Variants in CFAP54 observed in about 807,000 individuals in gnomAD.
The protein encoded by CFAP54 is cilia- and flagella-associated protein 54.
Under a neutral mutation model 370.4 loss-of-function variants are expected in CFAP54, and 290 were observed. That is an observed-to-expected ratio of 0.78 (90% CI 0.71 to 0.86). CFAP54 has a LOEUF of 0.86. Among genes scored for constraint, CFAP54 ranks in the 40% least tolerant of loss-of-function variants. CFAP54 has a pLI of 0.00. For synonymous variants in CFAP54, 1,206 were observed against 1,236.5 expected (o/e 0.98, Z 0.52); for missense variants, 3,399 against 3,528.7 (o/e 0.96, Z 0.93).
intron 14 of CFAP54, among the ~76,000 whole-genome samples, chr12:96,547,653 A>C (rs1344436466): frequency 6.6e-6 from 1 of 152,196 alleles, no homozygotes; most frequent in Non-Finnish European, 1.5e-5. Context: ...TCTAGTGTTG[A>C]ATCATTTCTG....
At chr12:96,582,489 A>T (rs1259820936) in intron 22 of CFAP54, among the ~76,000 whole-genome samples, 2 of 152,172 alleles carry the variant, frequency 1.3e-5, no homozygotes, top group African/African-American at 4.8e-5. Flanking sequence ...TTCAAAGAAA[A>T]TTAAATTGAG....
chr12:96,846,774 G>A (rs1959366515), intron 66 of CFAP54, among the ~76,000 whole-genome samples: 1 of 152,160 alleles, frequency 6.6e-6, no homozygotes, highest in Non-Finnish European at 1.5e-5. Context: ...TGGGTGCCAA[G>A]GAGGGAAAGG....
chr12:96,713,409 A>G (rs1288410652), intron 48 of CFAP54, among the ~76,000 whole-genome samples: 1 of 152,080 alleles, frequency 6.6e-6, no homozygotes, highest in African/African-American at 2.4e-5. Context: ...GGAGGACATT[A>G]TGTTAAGTGA....
At chr12:96,610,978 A>C (rs1401154290) in intron 26 of CFAP54, among the ~76,000 whole-genome samples, 3 of 152,238 alleles carry the variant, frequency 2.0e-5, no homozygotes, top group African/African-American at 7.2e-5. Context: ...ACAGTCGAAC[A>C]AAAGGCAGCA....
chr12:96,825,598 T>C (rs1327582950), intron 65 of CFAP54, among the ~76,000 whole-genome samples: 1 of 120,202 alleles, frequency 8.3e-6, no homozygotes, highest in African/African-American at 3.4e-5. Flanking sequence ...ACATATATTA[T>C]TTACATATTA....
At chr12:96,868,090 C>A (rs953163716) in intron 67 of CFAP54, among the ~76,000 whole-genome samples, 3 of 152,248 alleles carry the variant, frequency 2.0e-5, no homozygotes, top group Non-Finnish European at 4.4e-5. Flanking sequence ...ATTCCGGACT[C>A]AACCCAGACG....
chr12:96,734,167 T>C (rs996358836), intron 50 of CFAP54, among the ~76,000 whole-genome samples: 1 of 152,220 alleles, frequency 6.6e-6, no homozygotes. Context: ...CAGCAAAATC[T>C]TGAGAGTTTA....
At chr12:96,577,151 A>G (rs1955986804) in intron 20 of CFAP54, among the ~76,000 whole-genome samples, 1 of 152,206 alleles carries the variant, frequency 6.6e-6, no homozygotes, top group South Asian at 2.1e-4. Context: ...CAGTGATGGT[A>G]TGAGGCAGCA....
intron 5 of CFAP54, among the ~76,000 whole-genome samples, chr12:96,515,068 C>A (rs969462471): frequency 6.8e-6 from 1 of 147,912 alleles, no homozygotes; most frequent in East Asian, 2.0e-4. Context: ...GGTGCAGTGG[C>A]GCCGTCTTAG....
chr12:96,620,980 G>T (rs1956480646), intron 26 of CFAP54, among the ~76,000 whole-genome samples: 1 of 152,212 alleles, frequency 6.6e-6, no homozygotes, highest in Non-Finnish European at 1.5e-5. Context: ...GTAGGTAAGG[G>T]CCAGAATAGA....
At chr12:96,828,244 A>C (rs1184714592) in intron 65 of CFAP54, among the ~76,000 whole-genome samples, 1 of 151,204 alleles carries the variant, frequency 6.6e-6, no homozygotes, top group Non-Finnish European at 1.5e-5. Context: ...TAGGTTTGGT[A>C]GGGAGGTAGT....
rs1219852054 is a variant in CFAP54 at position 96,522,127 on chromosome 12, A to G, written c.1096A>G (p.Arg366Gly). The change falls in exon 8 of 68, where the codon AGA becomes GGA. Residue 366 changes from arginine (R) to glycine (G), a missense_variant. Around this residue, in one of 3 missense-constraint regions of CFAP54, gnomAD observed 559 missense variants for 576.7 expected, o/e 0.97. Coordinates refer to ENST00000524981, the MANE Select transcript of CFAP54 (RefSeq NM_001306084.2). ...CTTCAAAAGAGGAGTCTTTGAATCT[A>G]GAAGAAAAAACAAAGCTGTCTTTAG... ...MIFKRGVFES[R>G]RKNKAVFRPK... 7 of 1,535,846 alleles carry G rather than the reference A, an allele frequency of 4.6e-6. No homozygotes were observed. In the South Asian group the frequency reaches 6.0e-5, roughly 13 times the overall value.
chr12:96,607,596 A>G (rs1337619518), intron 26 of CFAP54, among the ~76,000 whole-genome samples: 1 of 152,200 alleles, frequency 6.6e-6, no homozygotes, highest in Non-Finnish European at 1.5e-5. Context: ...CTTGAAAACA[A>G]AAGAAGTCTG....
intron 1 of CFAP54, 40 bp downstream of exon 1, chr12:96,489,966 G>A: frequency 3.3e-6 from 5 of 1,494,926 alleles, no homozygotes; most frequent in Non-Finnish European, 4.4e-6. Flanking sequence ...GCCGGCCAGA[G>A]GAGGGACCCC....
rs1228158596 is a variant in CFAP54 at position 96,704,622 on chromosome 12, G to A, written c.6475-121G>A. 2 of 344,680 alleles carry A rather than the reference G, an allele frequency of 5.8e-6. 1 individual carries two copies. Among genetic ancestry groups the A allele is most frequent in the Admixed American group, 1.1e-4 (2 of 18,710 alleles). The allele number at this position is 344,680 out of a possible 1,614,324, so 21.4% of individuals were successfully genotyped here. On this transcript the variant is annotated intron_variant, in intron 46 of 67. Transcript: ENST00000524981. ...ACAATACTTATCTTTTCTGACTAGA[G>A]CATAAATTACTTTTCCAATAAAAAT... is the stretch of plus-strand genomic sequence containing the variant.
In CFAP54 at chr12:96,825,407, TATA is replaced by T. The variant is rs1208229834; in HGVS notation, c.9097-3603_9097-3601del. On this transcript the variant is annotated intron_variant, in intron 65 of 67. Transcript: ENST00000524981. ...ATATATTATGTAACATGTTGTATTA[TATA>T]ATATGTAACATGTTATATTATATAT... 2.8e-4 allele frequency among the ~76,000 whole-genome samples: 34 copies of T among 119,838 alleles called. 1 individual carries two copies. Among genetic ancestry groups the T allele is most frequent in the African/African-American group, 9.3e-4 (28 of 29,954 alleles). The allele number at this position is 119,838 out of a possible 152,430, so 78.6% of individuals were successfully genotyped here. A position where few individuals can be genotyped will look rare whatever the true frequency, so the allele number is the denominator to read the frequency against.
chr12:96,870,753 C>T (rs757518923), intron 67 of CFAP54, among the ~76,000 whole-genome samples: 1 of 151,314 alleles, frequency 6.6e-6, no homozygotes, highest in Admixed American at 6.6e-5. Context: ...TATTGAACTA[C>T]CATTTGCCAA....
intron 15 of CFAP54, among the ~76,000 whole-genome samples, chr12:96,551,482 GGTATGTGTGTGTGTGTGTGTGT>G (rs1308027987): frequency 7.2e-4 from 71 of 98,456 alleles, no homozygotes; most frequent in African/African-American, 2.7e-3. Flanking sequence ...TTCTTGAATG[GGTATGTGTGTGTGTGTGTGTGT>G]GTGTGTGTGT....
At chr12:96,571,271 C>T (rs939456877) in intron 19 of CFAP54, among the ~76,000 whole-genome samples, 12 of 152,134 alleles carry the variant, frequency 7.9e-5, no homozygotes, top group East Asian at 1.9e-4. Flanking sequence ...GGAAACTATA[C>T]GCAGAGAAAT....
Sources: gnomAD v4.1 joint callset for allele counts (sites outside exome capture counted in the v4.1 genomes callset) on GRCh38, gnomAD v4.1.1 for gene constraint, gnomAD v4.1.1 regional missense constraint, MANE v1.5 for transcripts, NCBI Gene and HGNC (gene_info 2026-07-23, HGNC 2026-07-21) for gene names.